The following TXNDC16 variants were observed in gnomAD, a reference collection of about 807,000 sequenced individuals.
TXNDC16 encodes thioredoxin domain containing 16, also known as thioredoxin domain-containing protein 16.
In TXNDC16, 74 loss-of-function variants were observed where a neutral mutation model predicts 85.6. The ratio of observed to expected loss-of-function variants is 0.86; its 90% confidence interval spans 0.72 to 1.05. The LOEUF is 1.05. TXNDC16 is among the 50% of genes least tolerant of loss of function. The pLI is 0.00. For missense variants in TXNDC16, 959 were observed against 947.0 expected, an observed-to-expected ratio of 1.01 and a Z score of -0.17; for synonymous variants, 335 against 326.5, an observed-to-expected ratio of 1.03 and a Z score of -0.28.
intron 14 of TXNDC16, among the ~76,000 whole-genome samples, chr14:52,478,379 A>T (rs2036066053): frequency 6.6e-6 from 1 of 152,158 alleles, no homozygotes; most frequent in South Asian, 2.1e-4. Context: ...AAGATAAATG[A>T]AACAAAAAGC....
intron 18 of TXNDC16, among the ~76,000 whole-genome samples, chr14:52,441,389 G>A (rs777747757): frequency 9.2e-5 from 14 of 152,090 alleles, no homozygotes; most frequent in African/African-American, 2.6e-4. Flanking sequence ...CAGGCAGATC[G>A]CCTGAGGTCA....
intron 9 of TXNDC16, among the ~76,000 whole-genome samples, chr14:52,498,069 G>A (rs1026372503): frequency 6.6e-6 from 1 of 152,062 alleles, no homozygotes; most frequent in Non-Finnish European, 1.5e-5. Context: ...TTCGATTGAT[G>A]CAGGAAAAGC....
At chr14:52,506,990 T>C (rs1594740218) in intron 9 of TXNDC16, among the ~76,000 whole-genome samples, 1 of 152,030 alleles carries the variant, frequency 6.6e-6, no homozygotes, top group Admixed American at 6.6e-5. Flanking sequence ...AGCATTCCCT[T>C]TGAAAACTGG....
intron 9 of TXNDC16, among the ~76,000 whole-genome samples, chr14:52,504,800 A>G (rs1263861658): frequency 6.6e-6 from 1 of 152,220 alleles, no homozygotes; most frequent in African/African-American, 2.4e-5. Flanking sequence ...GTCAAGACCC[A>G]TCAGTGTGCT....
At chr14:52,512,414 A>G (rs903507680) in intron 8 of TXNDC16, among the ~76,000 whole-genome samples, 13 of 152,202 alleles carry the variant, frequency 8.5e-5, no homozygotes, top group Non-Finnish European at 1.6e-4. Context: ...GAGCTTAAAA[A>G]ACAAAAAGGG....
intron 8 of TXNDC16, among the ~76,000 whole-genome samples, chr14:52,514,419 T>A (rs1249505660): frequency 1.3e-5 from 2 of 152,206 alleles, no homozygotes; most frequent in Non-Finnish European, 2.9e-5. Context: ...GAAAGTAGGC[T>A]TCTACCTAAA....
intron 7 of TXNDC16, 39 bp from the exon 8 acceptor site, chr14:52,515,009 A>T: frequency 6.7e-7 from 1 of 1,501,366 alleles, no homozygotes; most frequent in Non-Finnish European, 9.2e-7. Context: ...ACAGGAAAAA[A>T]TAGTTTGTGT....
intron 1 of TXNDC16, among the ~76,000 whole-genome samples, chr14:52,549,438 A>C (rs1293430387): frequency 2.0e-5 from 3 of 152,212 alleles, no homozygotes; most frequent in Non-Finnish European, 4.4e-5. Context: ...CAGCAACTGA[A>C]TATTAAGCTC....
At position 52,472,552 on chromosome 14, in the gene TXNDC16, G is replaced by T. The variant is rs1286102611; in HGVS notation, c.1313-1872C>A. ...TGCCTTGCACAATGTCTGTTACACAGTATGTACCCAGTAAAAATGTGTAGA... is the reference window on the plus strand; with the variant it reads ...TGCCTTGCACAATGTCTGTTACACATTATGTACCCAGTAAAAATGTGTAGA... On this transcript the variant is annotated intron_variant, in intron 14 of 20. Coordinates refer to ENST00000281741, the MANE Select transcript of TXNDC16 (RefSeq NM_020784.3). 3.9e-5 allele frequency among the ~76,000 whole-genome samples: 6 copies of T among 152,174 alleles called. No individual in the cohort carries two copies. The South Asian group carries it at 1.0e-3, about 26-fold the overall frequency.
At chr14:52,462,679 G>A (rs2035680004) in intron 16 of TXNDC16, 2 of 275,378 alleles carry the variant, frequency 7.3e-6, no homozygotes, top group Admixed American at 9.9e-5. Flanking sequence ...TAAAAATACT[G>A]AAATCTTTTC....
chr14:52,543,765 T>G, intron 2 of TXNDC16, 135 bp from the exon 3 acceptor site: 1 of 497,414 alleles, frequency 2.0e-6, no homozygotes, highest in African/African-American at 2.0e-5. Flanking sequence ...TCATAAAAAT[T>G]TGAGGGGGGA....
At chr14:52,545,043 GC>G (rs748368918) in intron 1 of TXNDC16, among the ~76,000 whole-genome samples, 37 of 151,938 alleles carry the variant, frequency 2.4e-4, no homozygotes, top group Non-Finnish European at 3.7e-4. Context: ...CATTTCTGAG[GC>G]TAAGAGAATA....
chr14:52,543,243 G>A (rs997195348), intron 3 of TXNDC16, among the ~76,000 whole-genome samples, 155 bp downstream of exon 3: 1 of 152,126 alleles, frequency 6.6e-6, no homozygotes, highest in African/African-American at 2.4e-5. Context: ...CACAGGACAA[G>A]CGGCACGGGC....
chr14:52,441,231 T>C (rs1407696588), intron 18 of TXNDC16, among the ~76,000 whole-genome samples: 4 of 152,198 alleles, frequency 2.6e-5, no homozygotes, highest in Non-Finnish European at 5.9e-5. Context: ...CAAACACCAA[T>C]CTTGTTTCTT....
At chr14:52,528,831 GTA>G (rs201761395) in intron 6 of TXNDC16, among the ~76,000 whole-genome samples, 82 of 142,260 alleles carry the variant, frequency 5.8e-4, no homozygotes, top group African/African-American at 1.7e-3. Flanking sequence ...TTATACCTAG[GTA>G]TATATATATA....
intron 12 of TXNDC16, among the ~76,000 whole-genome samples, chr14:52,484,587 A>G (rs1231577325): frequency 6.6e-6 from 1 of 152,164 alleles, no homozygotes; most frequent in East Asian, 1.9e-4. Flanking sequence ...TGTGAGTCAT[A>G]TAGCACATAA....
At chr14:52,442,435 C>T (rs933364197) in intron 18 of TXNDC16, among the ~76,000 whole-genome samples, 3 of 152,192 alleles carry the variant, frequency 2.0e-5, no homozygotes, top group African/African-American at 7.2e-5. Flanking sequence ...GATCGCACTA[C>T]AAATTCAGAT....
intron 7 of TXNDC16, 103 bp downstream of exon 7, chr14:52,519,069 T>G: frequency 8.4e-7 from 1 of 1,195,942 alleles, no homozygotes; most frequent in Non-Finnish European, 1.2e-6. Flanking sequence ...TTAGATTTAT[T>G]TTAAATATTA....
At chr14:52,508,024 A>C (rs1203412065) in intron 9 of TXNDC16, among the ~76,000 whole-genome samples, 1 of 152,226 alleles carries the variant, frequency 6.6e-6, no homozygotes, top group Non-Finnish European at 1.5e-5. Context: ...TCATGTCTAA[A>C]ACACCAAAAG....
Sources: allele counts gnomAD v4.1 joint callset (sites outside exome capture counted in the v4.1 genomes callset), GRCh38; gene constraint gnomAD v4.1.1; transcripts MANE v1.5; gene names NCBI Gene and HGNC (gene_info 2026-07-23, HGNC 2026-07-21).